DYSF: variants seen among roughly 807,000 people sequenced by gnomAD.
The protein encoded by DYSF is dysferlin, also known as dystrophy-associated fer-1-like 1.
Under a neutral mutation model 274.9 loss-of-function variants are expected in DYSF, and 212 were observed. The ratio of observed to expected loss-of-function variants is 0.77; its 90% CI spans 0.69 to 0.86. The LOEUF is 0.86. Among genes scored for constraint, DYSF ranks in the 40% least tolerant of loss-of-function variants. The probability of loss-of-function intolerance (pLI) is 0.00; values close to 1 mark genes in which losing one functional copy is unlikely to be tolerated. For missense variants in DYSF, 2,666 were observed against 2,783.2 expected, an observed-to-expected ratio of 0.96 and a Z score of 0.95; for synonymous variants, 1,091 against 1,078.7, an observed-to-expected ratio of 1.01 and a Z score of -0.22.
upstream of DYSF, among the ~76,000 whole-genome samples, chr2:71,464,930 G>A (rs571718626): frequency 1.9e-4 from 29 of 152,206 alleles, no homozygotes; most frequent in South Asian, 5.8e-3. Context: ...TTGAAGGAGA[G>A]TGGGAGGGGG....
chr2:71,456,873 C>G (rs1219053675), intron 1 of DYSF, among the ~76,000 whole-genome samples: 1 of 152,090 alleles, frequency 6.6e-6, no homozygotes, highest in Non-Finnish European at 1.5e-5. Flanking sequence ...CTGCCCACAC[C>G]CAGGGCACCA....
Position 71,575,637 on chromosome 2 carries a change from C to G in DYSF, c.3402+1266C>G, listed in dbSNP as rs550906844. On this transcript the variant is annotated intron_variant, in intron 30 of 55. Coordinates refer to ENST00000410020, the MANE Select transcript of DYSF (RefSeq NM_001130987.2). Reference sequence around the variant, plus strand: ...TGGGCAGGGGCTGGTGATGATCCTGCGGCTCTAGCTGAGGGGTGGGGTATA... The same window carrying G: ...TGGGCAGGGGCTGGTGATGATCCTGGGGCTCTAGCTGAGGGGTGGGGTATA... Among the ~76,000 whole-genome samples the G allele has an allele frequency of 2.0e-5, 3 of 152,092 alleles. No individual in the cohort carries two copies. In the South Asian group the frequency reaches 6.2e-4, roughly 32 times the overall value.
chr2:71,597,667 G>A (rs1356271462), intron 32 of DYSF, among the ~76,000 whole-genome samples: 3 of 152,276 alleles, frequency 2.0e-5, no homozygotes, highest in Admixed American at 2.0e-4. Context: ...TTGGGACAAG[G>A]TAGAGGGAAT....
chr2:71,597,238 A>G (rs2093427555), intron 32 of DYSF, among the ~76,000 whole-genome samples: 1 of 152,178 alleles, frequency 6.6e-6, no homozygotes, highest in Non-Finnish European at 1.5e-5. Context: ...AGGGGAGTGA[A>G]TGGCAGTGCT....
upstream of DYSF, among the ~76,000 whole-genome samples, chr2:71,464,149 G>T (rs923766223): frequency 5.3e-5 from 8 of 152,184 alleles, no homozygotes; most frequent in Non-Finnish European, 1.0e-4. Flanking sequence ...TCTACCCCTT[G>T]ACTGGAAGCT....
At chr2:71,480,279 A>C (rs181627574) in intron 1 of DYSF, among the ~76,000 whole-genome samples, 87 of 152,240 alleles carry the variant, frequency 5.7e-4, no homozygotes, top group Non-Finnish European at 1.1e-3. Context: ...CACATTTGTA[A>C]TCCCAGCACT....
intron 22 of DYSF, among the ~76,000 whole-genome samples, chr2:71,560,179 G>A (rs1430074628): frequency 1.3e-5 from 2 of 152,138 alleles, no homozygotes; most frequent in South Asian, 2.1e-4. Context: ...GGAAAGAGCC[G>A]AGACAGCACG....
intron 12 of DYSF, 136 bp from the exon 13 acceptor site, chr2:71,526,084 G>A (rs1381909896): frequency 2.0e-6 from 3 of 1,498,622 alleles, no homozygotes; most frequent in Non-Finnish European, 2.8e-6. Flanking sequence ...AGACCACGCG[G>A]TAGTAAGTGT....
chr2:71,520,551 G>A (rs2087148213), intron 11 of DYSF, among the ~76,000 whole-genome samples: 1 of 152,214 alleles, frequency 6.6e-6, no homozygotes, highest in Non-Finnish European at 1.5e-5. Context: ...TCCTGAAGGG[G>A]AGGAAAATGC....
chr2:71,537,452 G>T (rs1188559189), intron 16 of DYSF, among the ~76,000 whole-genome samples: 9 of 151,888 alleles, frequency 5.9e-5, no homozygotes, highest in Non-Finnish European at 2.9e-5. Context: ...CATCATGTTG[G>T]CCAGGCTGGT....
intron 35 of DYSF, 52 bp from the exon 36 acceptor site, chr2:71,602,724 C>G (rs1319189713): frequency 6.3e-7 from 1 of 1,599,370 alleles, no homozygotes; most frequent in African/African-American, 1.3e-5. Flanking sequence ...TTTCCCCTTC[C>G]AACCCCTCTC....
At chr2:71,521,014 T>C (rs2087209923) in intron 12 of DYSF, 110 bp downstream of exon 12, 3 of 838,902 alleles carry the variant, frequency 3.6e-6, no homozygotes, top group Non-Finnish European at 3.9e-6. Flanking sequence ...TAAACTAATA[T>C]GTGGTAATTA....
At chr2:71,506,478 G>A (rs2085484729) in intron 4 of DYSF, among the ~76,000 whole-genome samples, 2 of 147,828 alleles carry the variant, frequency 1.4e-5, no homozygotes, top group East Asian at 3.9e-4. Flanking sequence ...GGAGAACCCT[G>A]GAGTGCTGCT....
intron 44 of DYSF, among the ~76,000 whole-genome samples, chr2:71,659,650 A>G (rs2094841118): frequency 6.6e-6 from 1 of 152,230 alleles, no homozygotes. Context: ...CTTAATAACT[A>G]TTTTGGCCCT....
At chr2:71,671,256 G>C (rs1296038700) in intron 51 of DYSF, among the ~76,000 whole-genome samples, 1 of 152,234 alleles carries the variant, frequency 6.6e-6, no homozygotes, top group Admixed American at 6.5e-5. Context: ...TTGAGCAACA[G>C]GGTTCTGGGA....
intron 14 of DYSF, among the ~76,000 whole-genome samples, 186 bp from the exon 15 acceptor site, chr2:71,534,835 A>G (rs1267639812): frequency 1.3e-5 from 2 of 152,058 alleles, no homozygotes; most frequent in Non-Finnish European, 2.9e-5. Flanking sequence ...CCTTCCATTG[A>G]GCTTTGTCTC....
intron 12 of DYSF, among the ~76,000 whole-genome samples, chr2:71,521,788 C>G (rs752333596): frequency 5.9e-5 from 9 of 152,114 alleles, no homozygotes; most frequent in Non-Finnish European, 1.0e-4. Flanking sequence ...GTGCTGTCCG[C>G]CTCTTCCTTT....
chr2:71,660,860 T>C (rs2094866869), intron 45 of DYSF, among the ~76,000 whole-genome samples: 1 of 152,124 alleles, frequency 6.6e-6, no homozygotes, highest in African/African-American at 2.4e-5. Flanking sequence ...CCTAGTTAAA[T>C]GCTAAACAAT....
intron 30 of DYSF, among the ~76,000 whole-genome samples, chr2:71,577,493 A>G (rs1028330416): frequency 2.1e-5 from 3 of 145,320 alleles, no homozygotes; most frequent in African/African-American, 7.7e-5. Context: ...ATATATACCA[A>G]CACACACACA....
Sources: gnomAD v4.1 joint callset for allele counts (sites outside exome capture counted in the v4.1 genomes callset) on GRCh38, gnomAD v4.1.1 for gene constraint, MANE v1.5 for transcripts, NCBI Gene and HGNC (gene_info 2026-07-23, HGNC 2026-07-21) for gene names.